Variants in TP53AIP1 observed in about 807,000 individuals in gnomAD.
TP53AIP1 encodes tumor protein p53 regulated apoptosis inducing protein 1.
TP53AIP1 carries 14 observed loss-of-function variants against 9.5 expected under a neutral mutation model. The ratio of observed to expected loss-of-function variants is 1.47; its 90% CI spans 0.97 to 2.30. TP53AIP1 has a LOEUF of 2.30. Ranked by LOEUF, TP53AIP1 falls within the 30% of genes most tolerant of loss-of-function variation. The probability of loss-of-function intolerance (pLI) is 0.00; values close to 1 mark genes in which losing one functional copy is unlikely to be tolerated. For synonymous variants in TP53AIP1, 73 were observed against 61.2 expected (o/e 1.19, Z -0.90); for missense variants, 153 against 146.7 (o/e 1.04, Z -0.22).
chr11:128,934,849 G>A (rs1417188234), downstream of TP53AIP1: 5 of 606,554 alleles, frequency 8.2e-6, no homozygotes, highest in Admixed American at 1.0e-4. Context: ...CAATGTGGGC[G>A]ATTGAGGTCA....
chr11:128,937,755 G>A lies in TP53AIP1; in HGVS notation c.64C>T (p.Gln22Ter). ...AQASCSGARR[Q>*]GLGRGDQNLS... ...TTCTGGTCTCCCCTGCCCAGGCCCT[G>A]CCTCCTGGCCCCACTGCAGGAAGCT... The change falls in exon 2 of 4, where the codon CAG (glutamine) becomes TAG (stop). Residue 22 changes from glutamine to a stop codon, truncating the protein, a stop_gained. Coordinates refer to ENST00000531399, the MANE Select transcript of TP53AIP1 (RefSeq NM_022112.3). LOFTEE classifies it high-confidence loss of function. This position sits in a 1 kb window ranked among gnomAD's most constrained non-coding sequence, Gnocchi z 4.8. 1 of 1,614,010 alleles carries A rather than the reference G, an allele frequency of 6.2e-7. No individual in the cohort carries two copies. Among genetic ancestry groups the A allele is most frequent in the Non-Finnish European group, 8.5e-7 (1 of 1,180,022 alleles).
Position 128,937,747 on chromosome 11 carries a change from C to A in TP53AIP1, c.72G>T (p.Leu24=). The A allele has an allele frequency of 6.2e-7, 1 of 1,614,074 alleles. No individual in the cohort carries two copies. The change falls in exon 2 of 4, where the codon CTG becomes CTT. Residue 24 remains leucine, a synonymous_variant. Transcript: ENST00000531399. The surrounding 1 kb of genome is among the most constrained non-coding windows in gnomAD (Gnocchi z 4.8). The part of the protein sequence containing the change: ...ASCSGARRQG[L]GRGDQNLSVM... ...CCGAGAGGTTCTGGTCTCCCCTGCC[C>A]AGGCCCTGCCTCCTGGCCCCACTGC...
At position 128,935,535 on chromosome 11, in the gene TP53AIP1, T is replaced by TTTG; in HGVS notation, c.*55_*56insCAA. On this transcript the variant is annotated 3_prime_UTR_variant, in exon 4 of 4. Transcript: ENST00000531399. ...TTCTGTTTGTTTGTTTGTTTTTGTT[T>TTTG]TGAGATGGAGTCTCTCTCTGTCGCC... 1 of 1,518,294 alleles carries TTTG rather than the reference T, an allele frequency of 6.6e-7. No individual in the cohort carries two copies. Among genetic ancestry groups the TTTG allele is most frequent in the South Asian group, 1.2e-5 (1 of 81,488 alleles). 94.1% of individuals were successfully genotyped at this position (1,518,294 alleles called of 1,614,324 possible).
Position 128,937,535 on chromosome 11 carries a change from G to A in TP53AIP1, c.141+143C>T, listed in dbSNP as rs554440553. Reference sequence around the variant, plus strand: ...CAATGCTCTGAACTGGGGACAGTCCGCATGCAGCTCTGAGGACCCAGATGC... The same window carrying A: ...CAATGCTCTGAACTGGGGACAGTCCACATGCAGCTCTGAGGACCCAGATGC... On this transcript the variant is annotated intron_variant, in intron 2 of 3. Transcript: ENST00000531399. The surrounding 1 kb of genome is among the most constrained non-coding windows in gnomAD (Gnocchi z 4.8). 96 of 1,613,066 alleles carry A rather than the reference G, an allele frequency of 6.0e-5. No individual in the cohort carries two copies. The highest frequency in any genetic ancestry group is 1.6e-4 in the East Asian group (7 of 44,852).
In TP53AIP1 at chr11:128,937,980, G is replaced by C; in HGVS notation, c.-76-86C>G. 2.5e-6 allele frequency: 2 copies of C among 813,884 alleles called. No individual in the cohort carries two copies. The highest frequency in any genetic ancestry group is 3.8e-5 in the South Asian group (2 of 53,032). 50.4% of individuals were successfully genotyped at this position (813,884 alleles called of 1,614,324 possible). The stretch of plus-strand genomic sequence containing the variant: ...GATGATTTCTACTGTTAGGGTTTCA[G>C]TTGTACTTGGATCTGGGAGGGGGAA... On this transcript the variant is annotated intron_variant, in intron 1 of 3. Transcript: ENST00000531399. This position sits in a 1 kb window ranked among gnomAD's most constrained non-coding sequence, Gnocchi z 4.8.
At chr11:128,938,009 G>A (rs1438193163) in intron 1 of TP53AIP1, 115 bp from the exon 2 acceptor site, 6 of 653,094 alleles carry the variant, frequency 9.2e-6, no homozygotes, top group South Asian at 2.0e-5. Context: ...GGGGGAAGCC[G>A]ATGCACCCAG....
At chr11:128,934,988 T>A (rs1191933532), downstream of TP53AIP1, 2 of 702,764 alleles carry the variant, frequency 2.8e-6, no homozygotes, top group East Asian at 5.4e-5. Context: ...GGCTTTCAAC[T>A]CCCAGAATTT....
rs1944903920 is a variant in TP53AIP1, at chr11:128,939,689, A to C, written c.-76-1795T>G. Among the ~76,000 whole-genome samples the C allele has an allele frequency of 6.6e-6, 1 of 152,222 alleles. No homozygotes were observed. ...AAGAGGTCCGTCACAACCCATCTTA[A>C]TGCAAGAGGGACTGTGGCTCTTCTG... On this transcript the variant is annotated intron_variant, in intron 1 of 3. Transcript: ENST00000531399. The surrounding 1 kb of genome is among the most constrained non-coding windows in gnomAD (Gnocchi z 4.1).
rs1200991262 is a variant in TP53AIP1 at position 128,935,411 on chromosome 11, A to G, written c.*180T>C. The G allele has an allele frequency of 4.9e-6, 7 of 1,418,564 alleles. No homozygotes were observed. Among genetic ancestry groups the G allele is most frequent in the Non-Finnish European group, 6.4e-6 (7 of 1,093,026 alleles). 87.9% of individuals were successfully genotyped at this position (1,418,564 alleles called of 1,614,324 possible). On this transcript the variant is annotated 3_prime_UTR_variant, in exon 4 of 4. Transcript: ENST00000531399. ...ATTTCAGATTTGGGGATACAGAAGG[A>G]TGCAAAATGAGGCAACCTAGCCACC...
rs550390136 is a variant in TP53AIP1 at position 128,935,979 on chromosome 11, T to C, written c.254-267A>G. On this transcript the variant is annotated intron_variant, in intron 3 of 3. Transcript: ENST00000531399. ...TGATAACAGTAAGATATGTAGGACA[T>C]ACTACGTACAGGTGCTGTTCTTAGC... 4.8e-5 allele frequency: 51 copies of C among 1,056,416 alleles called. No homozygotes were observed. The South Asian group carries it at 1.3e-3, about 27-fold the overall frequency. The allele number at this position is 1,056,416 out of a possible 1,614,324, so 65.4% of individuals were successfully genotyped here.
In TP53AIP1 at chr11:128,935,545, G is replaced by A. The variant is rs1944800156; in HGVS notation, c.*46C>T. The A allele has an allele frequency of 2.0e-6, 3 of 1,526,202 alleles. No individual in the cohort carries two copies. Among genetic ancestry groups the A allele is most frequent in the East Asian group, 2.4e-5 (1 of 41,032 alleles). The allele number at this position is 1,526,202 out of a possible 1,614,324, so 94.5% of individuals were successfully genotyped here. ...TTGTTTGTTTTTGTTTTGAGATGGAGTCTCTCTCTGTCGCCCAGGCTGGAG... is the reference window on the plus strand; with the variant it reads ...TTGTTTGTTTTTGTTTTGAGATGGAATCTCTCTCTGTCGCCCAGGCTGGAG... On this transcript the variant is annotated 3_prime_UTR_variant, in exon 4 of 4. Transcript: ENST00000531399.
downstream of TP53AIP1, chr11:128,934,739 C>A (rs762606941): frequency 4.8e-6 from 2 of 413,718 alleles, no homozygotes; most frequent in Non-Finnish European, 8.8e-6. Flanking sequence ...GCCCTGAGTG[C>A]ACATCATTTA....
downstream of TP53AIP1, chr11:128,935,184 T>C (rs1944786844): frequency 1.8e-6 from 2 of 1,094,534 alleles, no homozygotes; most frequent in Non-Finnish European, 1.3e-6. Flanking sequence ...CAGCATCTGC[T>C]ATAGATGATC....
chr11:128,937,274 G>A lies in TP53AIP1; in HGVS notation c.141+404C>T. ...CAGGATCCGGGGTGGACGCAGAAGA[G>A]CAGGCCCGGAGCCCTGCACCCCAGC... On this transcript the variant is annotated intron_variant, in intron 2 of 3. Coordinates refer to ENST00000531399, the MANE Select transcript of TP53AIP1 (RefSeq NM_022112.3). This position sits in a 1 kb window ranked among gnomAD's most constrained non-coding sequence, Gnocchi z 4.8. The A allele has an allele frequency of 2.3e-6, 3 of 1,316,680 alleles. No homozygotes were observed. In the South Asian group the frequency reaches 7.1e-5, roughly 31 times the overall value. 81.6% of individuals were successfully genotyped at this position (1,316,680 alleles called of 1,614,324 possible).
chr11:128,937,216 T>G lies in TP53AIP1; in HGVS notation c.141+462A>C. On this transcript the variant is annotated intron_variant, in intron 2 of 3. Transcript: ENST00000531399. The surrounding 1 kb of genome is among the most constrained non-coding windows in gnomAD (Gnocchi z 4.8). ...ACAGGAAACGACTTCTTGGAGTAAGTGACTGGTGCTCCGAGGCCCATCTGG... is the reference window on the plus strand; with the variant it reads ...ACAGGAAACGACTTCTTGGAGTAAGGGACTGGTGCTCCGAGGCCCATCTGG... 1 of 1,212,220 alleles carries G rather than the reference T, an allele frequency of 8.2e-7. No homozygotes were observed. The highest frequency in any genetic ancestry group is 1.0e-6 in the Non-Finnish European group (1 of 972,494). The allele number at this position is 1,212,220 out of a possible 1,614,324, so 75.1% of individuals were successfully genotyped here. A position where few individuals can be genotyped will look rare whatever the true frequency, so the allele number is the denominator to read the frequency against.
chr11:128,937,142 C>T lies in TP53AIP1; in HGVS notation c.142-493G>A, dbSNP rs1032943026. The T allele has an allele frequency of 2.8e-6, 3 of 1,082,698 alleles. No individual in the cohort carries two copies. Among genetic ancestry groups the T allele is most frequent in the African/African-American group, 1.7e-5 (1 of 60,536 alleles). The allele number at this position is 1,082,698 out of a possible 1,614,324, so 67.1% of individuals were successfully genotyped here. ...ATGCATGGCCCCTGCATCCTTACCC[C>T]CTCCTCAGAGCCCACAAGCTTCCGA... On this transcript the variant is annotated intron_variant, in intron 2 of 3. Transcript: ENST00000531399. This position sits in a 1 kb window ranked among gnomAD's most constrained non-coding sequence, Gnocchi z 4.8.
In TP53AIP1 at chr11:128,936,638, G is replaced by A; in HGVS notation, c.153C>T (p.Pro51=). 1 of 1,584,088 alleles carries A rather than the reference G, an allele frequency of 6.3e-7. No homozygotes were observed. Among genetic ancestry groups the A allele is most frequent in the Non-Finnish European group, 8.5e-7 (1 of 1,173,102 alleles). ...CGTGAACTTGGGCACCCAAAACTAA[G>A]GGATCTGAAACCTGAGAGGAAATGG... is the stretch of plus-strand genomic sequence containing the variant. ...QTHTPGWVSD[P]LVLGAQVHGG... The change falls in exon 3 of 4, where the codon CCC becomes CCT. Residue 51 remains proline (P), a synonymous_variant. Transcript: ENST00000531399.
At chr11:128,935,832 A>G in intron 3 of TP53AIP1, 120 bp from the exon 4 acceptor site, 1 of 1,379,374 alleles carries the variant, frequency 7.2e-7, no homozygotes, top group Middle Eastern at 2.0e-4. Context: ...TGAATCTAAA[A>G]CACAATCCAT....
chr11:128,936,430 C>A, intron 3 of TP53AIP1, 108 bp downstream of exon 3: 1 of 1,420,906 alleles, frequency 7.0e-7, no homozygotes, highest in South Asian at 1.6e-5. Context: ...AGGAGAGGGT[C>A]AAACTCAAAA....
Sources: allele counts gnomAD v4.1 joint callset (sites outside exome capture counted in the v4.1 genomes callset), GRCh38; gene constraint gnomAD v4.1.1; non-coding constraint Gnocchi (gnomAD v3.1); transcripts MANE v1.5; gene names NCBI Gene and HGNC (gene_info 2026-07-23, HGNC 2026-07-21).